The following ESR1 variants were observed in gnomAD, a reference collection of about 807,000 sequenced individuals.
ESR1 encodes the protein estrogen receptor.
In ESR1, 12 loss-of-function variants were observed where a neutral mutation model predicts 52.7. The ratio of observed to expected loss-of-function variants is 0.23; its 90% CI spans 0.15 to 0.37. ESR1 has a LOEUF of 0.37. ESR1 is among the 10% of genes least tolerant of loss of function. ESR1 has a pLI of 1.00. For missense variants in ESR1, 584 were observed against 779.7 expected, an observed-to-expected ratio of 0.75 and a Z score of 2.99; for synonymous variants, 305 against 316.8, an observed-to-expected ratio of 0.96 and a Z score of 0.39.
intron 6 of ESR1, among the ~76,000 whole-genome samples, chr6:152,064,309 A>C (rs1264545074): frequency 6.6e-6 from 1 of 152,240 alleles, no homozygotes; most frequent in East Asian, 1.9e-4. Flanking sequence ...CTGGAGCTGC[A>C]AAGGGGGCCA....
intron 2 of ESR1, among the ~76,000 whole-genome samples, chr6:151,719,531 G>C (rs1781305028): frequency 6.6e-6 from 1 of 152,170 alleles, no homozygotes; most frequent in Non-Finnish European, 1.5e-5. Flanking sequence ...GGAGTCCATT[G>C]TACTTGGAGC....
At chr6:152,081,201 T>C (rs1209074298) in intron 6 of ESR1, among the ~76,000 whole-genome samples, 2 of 152,020 alleles carry the variant, frequency 1.3e-5, no homozygotes, top group Admixed American at 6.6e-5. Flanking sequence ...TGCACTTATT[T>C]TAAAATTGAC....
chr6:151,931,175 A>G (rs534258055), intron 3 of ESR1, among the ~76,000 whole-genome samples: 1 of 152,098 alleles, frequency 6.6e-6, no homozygotes, highest in African/African-American at 2.4e-5. Flanking sequence ...TGGTATTCCA[A>G]TTATGCATAT....
intron 3 of ESR1, among the ~76,000 whole-genome samples, chr6:151,884,789 T>C (rs1793575831): frequency 1.3e-5 from 2 of 152,198 alleles, no homozygotes; most frequent in South Asian, 4.1e-4. Context: ...TGCTTTTTCC[T>C]CTTCATTTGT....
chr6:152,110,787 A>G (rs1379223211), intron 6 of ESR1, among the ~76,000 whole-genome samples: 1 of 152,230 alleles, frequency 6.6e-6, no homozygotes, highest in Non-Finnish European at 1.5e-5. Context: ...TCAAAGAAAT[A>G]TGACACCTTG....
At chr6:151,977,727 G>C (rs112314390) in intron 4 of ESR1, among the ~76,000 whole-genome samples, 2 of 151,838 alleles carry the variant, frequency 1.3e-5, no homozygotes, top group Admixed American at 1.3e-4. Context: ...CCCAGGAGGC[G>C]GAGGTTGCAG....
intron 2 of ESR1, among the ~76,000 whole-genome samples, chr6:151,868,154 G>A (rs374844838): frequency 2.6e-5 from 4 of 151,974 alleles, no homozygotes; most frequent in African/African-American, 9.7e-5. Flanking sequence ...TTGAGATGGA[G>A]TCTCGCTCTG....
intron 4 of ESR1, among the ~76,000 whole-genome samples, chr6:151,987,458 C>T (rs2040600032): frequency 3.3e-5 from 5 of 152,062 alleles, no homozygotes; most frequent in Admixed American, 3.3e-4. Context: ...GGTGTTTCAC[C>T]ATATTGGCCA....
chr6:151,950,993 A>G (rs1019378190), intron 4 of ESR1, among the ~76,000 whole-genome samples: 5 of 151,900 alleles, frequency 3.3e-5, no homozygotes, highest in East Asian at 1.9e-4. Flanking sequence ...TTACTCTTGT[A>G]TATTTCTCTT....
intron 3 of ESR1, among the ~76,000 whole-genome samples, chr6:151,898,589 GTGGTGATGACTCTTAACGAGCATGC>G (rs1196654495): frequency 6.6e-6 from 1 of 151,872 alleles, no homozygotes; most frequent in Non-Finnish European, 1.5e-5. Flanking sequence ...AGATTAGGGA[GTGGTGATGACTCTTAACGAGCATGC>G]TGCCTTCAAG....
intron 6 of ESR1, among the ~76,000 whole-genome samples, chr6:152,087,377 T>G (rs544799518): frequency 4.9e-4 from 75 of 152,224 alleles, no homozygotes; most frequent in Non-Finnish European, 8.7e-4. Flanking sequence ...ACGTATTCAC[T>G]TTCCCATCAG....
intron 2 of ESR1, among the ~76,000 whole-genome samples, chr6:151,724,469 C>T (rs1178981381): frequency 2.0e-5 from 3 of 151,984 alleles, no homozygotes; most frequent in African/African-American, 4.8e-5. Context: ...GGTCCCCACC[C>T]GATTACCCTA....
intron 5 of ESR1, among the ~76,000 whole-genome samples, chr6:152,055,226 G>A (rs2047003162): frequency 6.6e-6 from 1 of 152,064 alleles, no homozygotes. Flanking sequence ...TGGATCAAAT[G>A]GTAATTATAT....
chr6:152,093,868 C>T lies in ESR1; in HGVS notation c.1370-517C>T, dbSNP rs9341047. Among the ~76,000 whole-genome samples the T allele has an allele frequency of 4.9e-3, 752 of 152,284 alleles. 2 individuals are homozygous for T. Among genetic ancestry groups the T allele is most frequent in the South Asian group, 0.011 (51 of 4,818 alleles). On this transcript the variant is annotated intron_variant, in intron 6 of 7. Coordinates refer to ENST00000206249, the MANE Select transcript of ESR1 (RefSeq NM_000125.4). ...TCTGAATCTCACCACGAGTTTCACA[C>T]GTCTCCCGAGAGAGCGTCTCCTTTA...
intron 1 of ESR1, among the ~76,000 whole-genome samples, chr6:151,678,442 C>T (rs1356722715): frequency 6.6e-6 from 1 of 151,390 alleles, no homozygotes; most frequent in Non-Finnish European, 1.5e-5. Context: ...CACTGCACTC[C>T]AGCCTGGGCA....
chr6:151,715,148 A>C (rs1780929271), intron 2 of ESR1, among the ~76,000 whole-genome samples: 1 of 152,198 alleles, frequency 6.6e-6, no homozygotes, highest in Non-Finnish European at 1.5e-5. Context: ...TTTCTTTAAG[A>C]ATGTTGAATA....
At chr6:151,953,020 G>A (rs909987774) in intron 4 of ESR1, among the ~76,000 whole-genome samples, 4 of 152,112 alleles carry the variant, frequency 2.6e-5, no homozygotes, top group South Asian at 4.1e-4. Context: ...TGAAATACTA[G>A]TTTTCACAAA....
At chr6:151,681,406 G>A (rs995750668) in intron 1 of ESR1, among the ~76,000 whole-genome samples, 23 of 151,994 alleles carry the variant, frequency 1.5e-4, no homozygotes, top group Non-Finnish European at 1.3e-4. Flanking sequence ...AGGAGGGGAC[G>A]GCGGTGCTGA....
Position 152,013,749 on chromosome 6 carries a change from A to G in ESR1, c.1235+1955A>G, listed in dbSNP as rs140500942. ...ATTTTCTTTCCTCTCTCACAGAAGT[A>G]TGAATGACTAAAAGTTCTCATCTCT... On this transcript the variant is annotated intron_variant, in intron 5 of 7. Coordinates refer to ENST00000206249, the MANE Select transcript of ESR1 (RefSeq NM_000125.4). Among the ~76,000 whole-genome samples the G allele has an allele frequency of 1.2e-4, 19 of 152,278 alleles. No individual in the cohort carries two copies. The East Asian group carries it at 2.9e-3, about 23-fold the overall frequency.
Sources: gnomAD v4.1 joint callset for allele counts (sites outside exome capture counted in the v4.1 genomes callset) on GRCh38, gnomAD v4.1.1 for gene constraint, MANE v1.5 for transcripts, NCBI Gene and HGNC (gene_info 2026-07-23, HGNC 2026-07-21) for gene names.